The following ZMYM1 variants were observed in gnomAD, a reference collection of about 807,000 sequenced individuals.
ZMYM1 encodes zinc finger MYM-type protein 1.
ZMYM1 carries 39 observed loss-of-function variants against 60.0 expected under a neutral mutation model. That is an observed-to-expected ratio of 0.65 (90% CI 0.50 to 0.85). The LOEUF (loss-of-function observed/expected upper bound fraction) is 0.85. Among genes scored for constraint, ZMYM1 ranks in the 40% least tolerant of loss-of-function variants. The probability of loss-of-function intolerance (pLI) is 0.00; values close to 1 mark genes in which losing one functional copy is unlikely to be tolerated. For synonymous variants in ZMYM1, 413 were observed against 454.0 expected (o/e 0.91, Z 1.15); for missense variants, 1,171 against 1,309.5 (o/e 0.89, Z 1.63).
intron 6 of ZMYM1, among the ~76,000 whole-genome samples, chr1:35,107,349 GTCCCAGCTACT>G (rs1259554606): frequency 6.6e-6 from 1 of 150,526 alleles, no homozygotes; most frequent in Non-Finnish European, 1.5e-5. Context: ...GGCGCCTGTA[GTCCCAGCTACT>G]CTGGAGGCTG....
chr1:35,076,785 A>T (rs912105328), upstream of ZMYM1, among the ~76,000 whole-genome samples: 2 of 152,162 alleles, frequency 1.3e-5, no homozygotes, highest in Middle Eastern at 3.4e-3. Context: ...ATACAAAATT[A>T]GCTGGGCATG....
chr1:35,115,283 A>T lies in ZMYM1; in HGVS notation c.*24A>T, dbSNP rs1161480821. The T allele has an allele frequency of 6.6e-7, 1 of 1,513,046 alleles. No homozygotes were observed. The highest frequency in any genetic ancestry group is 2.3e-5 in the East Asian group (1 of 43,266). 93.7% of individuals were successfully genotyped at this position (1,513,046 alleles called of 1,614,324 possible). On this transcript the variant is annotated 3_prime_UTR_variant, in exon 10 of 10. Coordinates refer to ENST00000359858, the MANE Select transcript of ZMYM1 (RefSeq NM_024772.5). ...AATACATGCTCATTTGAACTTACCT[A>T]AAAGACTTGTATTTCCATTGGGATG... is the stretch of plus-strand genomic sequence containing the variant.
chr1:35,114,741 G>T lies in ZMYM1; in HGVS notation c.2911G>T (p.Gly971Ter). Residue 971 changes from glycine (G) to a stop codon, truncating the protein, a stop_gained, in exon 10 of 10, where the codon GGA becomes TGA. Transcript: ENST00000359858. LOFTEE classifies it low-confidence loss of function (END_TRUNC). ...ATATAAAATTAATATCTATTACCAA[G>T]GATTAGATACTATATTACAAAATTT... is the stretch of plus-strand genomic sequence containing the variant. ...EQYKINIYYQ[G>*]LDTILQNLKL... The T allele has an allele frequency of 6.3e-7, 1 of 1,583,108 alleles. No individual in the cohort carries two copies. The highest frequency in any genetic ancestry group is 1.2e-5 in the South Asian group (1 of 86,228).
chr1:35,089,935 C>T (rs1209184218), intron 1 of ZMYM1, among the ~76,000 whole-genome samples: 8 of 144,728 alleles, frequency 5.5e-5, no homozygotes, highest in South Asian at 2.2e-4. Context: ...GACAGAGTCT[C>T]GCTCTGTCGC....
intron 1 of ZMYM1, among the ~76,000 whole-genome samples, chr1:35,088,243 A>T (rs1642764511): frequency 6.6e-6 from 1 of 150,852 alleles, no homozygotes; most frequent in Non-Finnish European, 1.5e-5. Flanking sequence ...CATGGTGAAA[A>T]CCCGTCTCTA....
At chr1:35,085,032 G>A (rs969740788) in intron 1 of ZMYM1, among the ~76,000 whole-genome samples, 3 of 151,744 alleles carry the variant, frequency 2.0e-5, no homozygotes, top group Non-Finnish European at 4.4e-5. Context: ...GGATTTATCC[G>A]TTTTTTGTTT....
chr1:35,060,231 G>A (rs1017223121), intron 1 of ZMYM1, among the ~76,000 whole-genome samples: 2 of 151,334 alleles, frequency 1.3e-5, no homozygotes, highest in Middle Eastern at 3.5e-3. Flanking sequence ...ATGCAATAGC[G>A]CAATCTCGGC....
At chr1:35,106,582 C>G (rs1003449015) in intron 6 of ZMYM1, among the ~76,000 whole-genome samples, 96 of 134,738 alleles carry the variant, frequency 7.1e-4, no homozygotes, top group Non-Finnish European at 3.7e-4. Context: ...GCACTCCAGC[C>G]TAGGCGACAG....
intron 3 of ZMYM1, 33 bp from the exon 4 acceptor site, chr1:35,097,284 C>G (rs1643386089): frequency 6.5e-7 from 1 of 1,545,854 alleles, no homozygotes; most frequent in Admixed American, 2.2e-5. Flanking sequence ...GTGTAAATAA[C>G]AATTTTTTTT....
chr1:35,085,562 T>G (rs1642611439), intron 1 of ZMYM1, among the ~76,000 whole-genome samples: 1 of 152,180 alleles, frequency 6.6e-6, no homozygotes, highest in South Asian at 2.1e-4. Context: ...TTTTCTCCTG[T>G]GGTTGTTGTA....
chr1:35,071,079 G>T (rs1387650398), intron 1 of ZMYM1, among the ~76,000 whole-genome samples: 2 of 151,862 alleles, frequency 1.3e-5, no homozygotes, highest in Non-Finnish European at 2.9e-5. Flanking sequence ...TAGAGATGGG[G>T]TTTCGCCATG....
At chr1:35,065,679 C>T (rs1641961793) in intron 1 of ZMYM1, among the ~76,000 whole-genome samples, 1 of 150,354 alleles carries the variant, frequency 6.7e-6, no homozygotes, top group South Asian at 2.1e-4. Flanking sequence ...GAAAATAATT[C>T]CAAAGCAAGC....
intron 4 of ZMYM1, among the ~76,000 whole-genome samples, chr1:35,102,212 A>G (rs76274824): frequency 0.014 from 2,082 of 151,914 alleles, 23 homozygotes; most frequent in Middle Eastern, 0.044. Flanking sequence ...GTTCTTTGAT[A>G]CTACAACCAA....
chr1:35,060,679 G>C (rs1375229424), intron 1 of ZMYM1, among the ~76,000 whole-genome samples: 1 of 152,150 alleles, frequency 6.6e-6, no homozygotes, highest in African/African-American at 2.4e-5. Context: ...GCTAAGTCCA[G>C]AAATCTACAA....
chr1:35,090,141 C>T (rs930446338), intron 1 of ZMYM1, among the ~76,000 whole-genome samples: 1 of 152,072 alleles, frequency 6.6e-6, no homozygotes, highest in African/African-American at 2.4e-5. Context: ...CTCCTGACCT[C>T]GTGATCCACC....
intron 6 of ZMYM1, among the ~76,000 whole-genome samples, chr1:35,108,576 C>T (rs1211902688): frequency 1.3e-5 from 2 of 152,056 alleles, no homozygotes; most frequent in South Asian, 2.1e-4. Flanking sequence ...TGGTCTTGAA[C>T]TCCTGACCTC....
chr1:35,101,381 G>T (rs1643648143), intron 4 of ZMYM1, among the ~76,000 whole-genome samples: 1 of 150,394 alleles, frequency 6.6e-6, no homozygotes, highest in South Asian at 2.1e-4. Context: ...GATTACACAT[G>T]TGAGCCACCG....
chr1:35,082,364 G>A (rs1031552394), intron 1 of ZMYM1, among the ~76,000 whole-genome samples: 1 of 148,532 alleles, frequency 6.7e-6, no homozygotes, highest in African/African-American at 2.5e-5. Context: ...GGAGTCATGC[G>A]CTGTCACCCA....
At chr1:35,085,032 G>GT (rs1262375998) in intron 1 of ZMYM1, among the ~76,000 whole-genome samples, 1 of 151,744 alleles carries the variant, frequency 6.6e-6, no homozygotes, top group African/African-American at 2.4e-5. Flanking sequence ...GGATTTATCC[G>GT]TTTTTTGTTT....
Sources: allele counts gnomAD v4.1 joint callset (sites outside exome capture counted in the v4.1 genomes callset), GRCh38; gene constraint gnomAD v4.1.1; transcripts MANE v1.5; gene names NCBI Gene and HGNC (gene_info 2026-07-23, HGNC 2026-07-21).